The following DHX9 variants were observed in gnomAD, a reference collection of about 807,000 sequenced individuals.
DHX9 encodes ATP-dependent RNA helicase A.
In DHX9, 27 loss-of-function variants were observed where a neutral mutation model predicts 148.7. That is an observed-to-expected ratio of 0.18 (90% CI 0.13 to 0.25). The LOEUF (loss-of-function observed/expected upper bound fraction) is 0.25, where lower values mean the gene tolerates loss of function less well. Ranked by LOEUF, DHX9 falls within the 10% of genes least tolerant of loss-of-function variation. DHX9 has a pLI of 1.00. For synonymous variants in DHX9, 529 were observed against 516.6 expected, an observed-to-expected ratio of 1.02 and a Z score of -0.33; for missense variants, 796 against 1,559.6, an observed-to-expected ratio of 0.51 and a Z score of 8.25.
intron 14 of DHX9, 64 bp from the exon 15 acceptor site, chr1:182,872,273 T>C (rs746782492): frequency 1.4e-5 from 20 of 1,399,026 alleles, no homozygotes; most frequent in Middle Eastern, 2.6e-4. Flanking sequence ...TATAACTCTT[T>C]TAGGCATAGC....
intron 15 of DHX9, among the ~76,000 whole-genome samples, chr1:182,873,374 C>T (rs1165510125): frequency 6.6e-6 from 1 of 152,134 alleles, no homozygotes; most frequent in Non-Finnish European, 1.5e-5. Flanking sequence ...AAGAGAGAAA[C>T]AGTGTAGACA....
In DHX9 at chr1:182,887,341, C is replaced by T; in HGVS notation, c.3720C>T (p.Gly1240=). The T allele has an allele frequency of 6.2e-7, 1 of 1,614,020 alleles. No homozygotes were observed. Among genetic ancestry groups the T allele is most frequent in the Non-Finnish European group, 8.5e-7 (1 of 1,180,008 alleles). Residue 1240 remains glycine, a synonymous_variant, in exon 28 of 28, where the codon GGC becomes GGT. Coordinates refer to ENST00000367549, the MANE Select transcript of DHX9 (RefSeq NM_001357.5). ...SGGDYRGPSG[G]YRGSGGFQRG... Reference sequence around the variant, plus strand: ...GAGACTACAGAGGGCCTAGTGGAGGCTACAGAGGATCTGGGGGATTCCAGC... The same window carrying T: ...GAGACTACAGAGGGCCTAGTGGAGGTTACAGAGGATCTGGGGGATTCCAGC...
intron 24 of DHX9, among the ~76,000 whole-genome samples, chr1:182,882,793 A>T (rs1216236521): frequency 3.3e-5 from 5 of 151,070 alleles, no homozygotes; most frequent in Non-Finnish European, 5.9e-5. Flanking sequence ...TGAACCCGGG[A>T]GGCAGAGCTT....
At chr1:182,873,327 A>C (rs1648624817) in intron 15 of DHX9, among the ~76,000 whole-genome samples, 1 of 152,180 alleles carries the variant, frequency 6.6e-6, no homozygotes, top group Admixed American at 6.5e-5. Context: ...GGGGAAAAAA[A>C]AGAATTATGG....
intron 5 of DHX9, 115 bp from the exon 6 acceptor site, chr1:182,853,915 C>CA: frequency 1.1e-6 from 1 of 951,586 alleles, no homozygotes; most frequent in Non-Finnish European, 1.5e-6. Context: ...TATAAACTAT[C>CA]AAAAACAGCT....
chr1:182,857,744 A>T (rs1417809853), intron 7 of DHX9, among the ~76,000 whole-genome samples: 1 of 152,204 alleles, frequency 6.6e-6, no homozygotes, highest in East Asian at 1.9e-4. Context: ...CTCTGGACCC[A>T]ATTACTTTTA....
At position 182,872,274 on chromosome 1, in the gene DHX9, T is replaced by C. The variant is rs200571597; in HGVS notation, c.1558-63T>C. ...ATGTCTTATGGCTGTATAACTCTTT[T>C]AGGCATAGCTTGTTATATAAACTTA... is the stretch of plus-strand genomic sequence containing the variant. On this transcript the variant is annotated intron_variant, in intron 14 of 27. Transcript: ENST00000367549. The C allele has an allele frequency of 5.0e-6, 7 of 1,394,488 alleles. No individual in the cohort carries two copies. The East Asian group carries it at 1.6e-4, about 32-fold the overall frequency. 86.4% of individuals were successfully genotyped at this position (1,394,488 alleles called of 1,614,324 possible).
intron 3 of DHX9, among the ~76,000 whole-genome samples, chr1:182,847,967 TTTA>T (rs1043167847): frequency 1.3e-5 from 2 of 152,178 alleles, no homozygotes; most frequent in African/African-American, 4.8e-5. Flanking sequence ...AGGTGATTTT[TTTA>T]TTATTGTTTT....
chr1:182,840,998 A>C (rs763286704), intron 1 of DHX9, among the ~76,000 whole-genome samples: 5 of 152,150 alleles, frequency 3.3e-5, no homozygotes, highest in African/African-American at 1.2e-4. Flanking sequence ...TTTGGACTTT[A>C]AAGAGAAACG....
intron 15 of DHX9, among the ~76,000 whole-genome samples, chr1:182,873,832 G>A (rs748718541): frequency 1.3e-5 from 2 of 152,120 alleles, no homozygotes; most frequent in African/African-American, 2.4e-5. Context: ...AGAAATGGCT[G>A]CTTCTAGGAT....
chr1:182,850,594 C>CA (rs369880071), intron 3 of DHX9, among the ~76,000 whole-genome samples: 5,933 of 71,816 alleles, frequency 0.083, 171 homozygotes, highest in African/African-American at 0.14. Context: ...GACCCTGTCT[C>CA]AAAAAAAAAA....
At chr1:182,885,634 G>C (rs1018504153) in intron 27 of DHX9, among the ~76,000 whole-genome samples, 4 of 152,126 alleles carry the variant, frequency 2.6e-5, no homozygotes, top group Non-Finnish European at 4.4e-5. Flanking sequence ...ATTGGCATTT[G>C]ATCTATCTGT....
intron 10 of DHX9, 48 bp from the exon 11 acceptor site, chr1:182,858,992 G>A: frequency 6.2e-7 from 1 of 1,611,388 alleles, no homozygotes; most frequent in Non-Finnish European, 8.5e-7. Flanking sequence ...TTATTTTGAA[G>A]CTGAATTATG....
intron 14 of DHX9, among the ~76,000 whole-genome samples, chr1:182,869,295 C>T (rs1648441246): frequency 6.6e-6 from 1 of 151,694 alleles, no homozygotes; most frequent in East Asian, 1.9e-4. Flanking sequence ...TCCGGTTCGG[C>T]CCAGTCTGGT....
intron 7 of DHX9, 45 bp from the exon 8 acceptor site, chr1:182,858,059 T>G (rs755942738): frequency 1.1e-5 from 17 of 1,582,670 alleles, no homozygotes; most frequent in Admixed American, 1.8e-5. Flanking sequence ...GTTTCTTTAC[T>G]CAGATGATTT....
chr1:182,875,273 A>C (rs1438040966), intron 16 of DHX9: 2 of 448,582 alleles, frequency 4.5e-6, no homozygotes, highest in Non-Finnish European at 8.9e-6. Flanking sequence ...GTTTTTCAGT[A>C]GGCTGCAGCA....
Position 182,861,659 on chromosome 1 carries a change from C to T in DHX9, c.1332+1475C>T, listed in dbSNP as rs1038836399. ...CATGTCATAAATAGAGTAAAAATTC[C>T]TGCCCAAGTGAGAAGTGCTTTGTCT... On this transcript the variant is annotated intron_variant, in intron 12 of 27. Transcript: ENST00000367549. Among the ~76,000 whole-genome samples the T allele has an allele frequency of 2.0e-4, 30 of 152,302 alleles. 2 individuals are homozygous for T. The highest frequency in any genetic ancestry group is 1.0e-3 in the Admixed American group (16 of 15,292).
At position 182,852,342 on chromosome 1, in the gene DHX9, C is replaced by G. The variant is rs1668168376; in HGVS notation, c.362C>G (p.Ala121Gly). The change falls in exon 4 of 28, where the codon GCA (alanine) becomes GGA (glycine). Residue 121 changes from alanine to glycine, a missense_variant and splice_region_variant. Physicochemically the swap from Ala to Gly is moderately conservative, Grantham distance 60. Around this residue, in one of 14 missense-constraint regions of DHX9, gnomAD observed 89 missense variants for 77.5 expected, o/e 1.15. Transcript: ENST00000367549. ...CTTCCTCCACATCTGGCTCTCAAAG[C>G]AGGTAAGGGACTTGAATCCATGCAC... ...GPLPPHLALK[A>G]ENNSEVGASG... 1 of 1,603,804 alleles carries G rather than the reference C, an allele frequency of 6.2e-7. No individual in the cohort carries two copies. The highest frequency in any genetic ancestry group is 8.5e-7 in the Non-Finnish European group (1 of 1,173,764).
intron 3 of DHX9, among the ~76,000 whole-genome samples, chr1:182,850,255 A>G (rs7539007): frequency 0.08 from 12,232 of 152,096 alleles, 637 homozygotes; most frequent in South Asian, 0.14. Context: ...CTTGACTATT[A>G]TCTAGGCTAA....
Sources: gnomAD v4.1 joint callset for allele counts (sites outside exome capture counted in the v4.1 genomes callset) on GRCh38, gnomAD v4.1.1 for gene constraint, gnomAD v4.1.1 regional missense constraint, MANE v1.5 for transcripts, NCBI Gene and HGNC (gene_info 2026-07-23, HGNC 2026-07-21) for gene names.